CAMTA1: variants seen among roughly 807,000 people sequenced by gnomAD.
CAMTA1 encodes the protein calmodulin-binding transcription activator 1.
CAMTA1 carries 27 observed loss-of-function variants against 170.9 expected under a neutral mutation model. That is an observed-to-expected ratio of 0.16 (90% CI 0.12 to 0.22). The LOEUF is 0.22. CAMTA1 is among the 10% of genes least tolerant of loss of function. CAMTA1 has a pLI of 1.00. For synonymous variants in CAMTA1, 833 were observed against 891.5 expected (o/e 0.93, Z 1.17); for missense variants, 1,619 against 2,217.2 (o/e 0.73, Z 5.42).
intron 3 of CAMTA1, among the ~76,000 whole-genome samples, chr1:7,080,495 C>T (rs1328668392): frequency 6.6e-6 from 1 of 152,146 alleles, no homozygotes; most frequent in Non-Finnish European, 1.5e-5. Context: ...TAGGATTACA[C>T]ATCAGTGAGA....
At chr1:7,429,472 A>T (rs2092047717) in intron 5 of CAMTA1, among the ~76,000 whole-genome samples, 1 of 151,958 alleles carries the variant, frequency 6.6e-6, no homozygotes, top group South Asian at 2.1e-4. Flanking sequence ...GATGACAGTG[A>T]TAATACGGGT....
chr1:7,627,334 A>G (rs987166783), intron 6 of CAMTA1, among the ~76,000 whole-genome samples: 1 of 152,200 alleles, frequency 6.6e-6, no homozygotes, highest in Non-Finnish European at 1.5e-5. Flanking sequence ...CAAATAAGCA[A>G]TATCTGAATT....
intron 5 of CAMTA1, among the ~76,000 whole-genome samples, chr1:7,390,273 G>A (rs753078001): frequency 7.2e-5 from 11 of 152,158 alleles, no homozygotes; most frequent in South Asian, 6.2e-4. Context: ...GACACAACCC[G>A]CCCAGGGTGC....
At chr1:6,977,076 A>T (rs913708665) in intron 3 of CAMTA1, among the ~76,000 whole-genome samples, 2 of 152,158 alleles carry the variant, frequency 1.3e-5, no homozygotes. Flanking sequence ...TAAATTATCC[A>T]GTCTCGGGTC....
intron 3 of CAMTA1, among the ~76,000 whole-genome samples, chr1:7,032,509 T>C (rs1348602264): frequency 6.6e-6 from 1 of 152,194 alleles, no homozygotes; most frequent in Non-Finnish European, 1.5e-5. Flanking sequence ...TTTTAAATTC[T>C]TCTCATACCT....
At chr1:7,337,659 C>G (rs1348954339) in intron 5 of CAMTA1, among the ~76,000 whole-genome samples, 1 of 151,834 alleles carries the variant, frequency 6.6e-6, no homozygotes, top group Non-Finnish European at 1.5e-5. Context: ...GGGCGGTGGG[C>G]CTCATCCAAT....
intron 3 of CAMTA1, among the ~76,000 whole-genome samples, chr1:6,990,956 A>G (rs1358098533): frequency 6.6e-6 from 1 of 151,998 alleles, no homozygotes; most frequent in Non-Finnish European, 1.5e-5. Flanking sequence ...AGGAGTGTAT[A>G]TTGTACCTAA....
intron 11 of CAMTA1, among the ~76,000 whole-genome samples, chr1:7,690,737 G>A (rs545852600): frequency 9.2e-5 from 14 of 152,366 alleles, no homozygotes; most frequent in Non-Finnish European, 1.6e-4. Context: ...CCGGCAACCC[G>A]TGAGGCCCCT....
chr1:7,502,467 T>G (rs989295379), intron 6 of CAMTA1, among the ~76,000 whole-genome samples: 2 of 151,986 alleles, frequency 1.3e-5, no homozygotes, highest in African/African-American at 4.8e-5. Context: ...TTCCAAGTGT[T>G]TGTTTGGTCC....
rs575789105 is a variant in CAMTA1 at position 7,629,880 on chromosome 1, G to A, written c.511-10520G>A. Among the ~76,000 whole-genome samples the A allele has an allele frequency of 7.1e-4, 101 of 143,036 alleles. 1 individual carries two copies. Among genetic ancestry groups the A allele is most frequent in the African/African-American group, 2.5e-3 (101 of 40,846 alleles). The allele number at this position is 143,036 out of a possible 152,430, so 93.8% of individuals were successfully genotyped here. On this transcript the variant is annotated intron_variant, in intron 6 of 22. Coordinates refer to ENST00000303635, the MANE Select transcript of CAMTA1 (RefSeq NM_015215.4). ...GGGAGGTCCTCTCTCGGGGGGCCTG[G>A]CAGTGGCAGCTCGAGCTGCCAGCCT... is the stretch of plus-strand genomic sequence containing the variant.
chr1:6,789,909 A>G (rs1045427437), intron 1 of CAMTA1, among the ~76,000 whole-genome samples: 10 of 146,966 alleles, frequency 6.8e-5, no homozygotes, highest in African/African-American at 2.5e-4. Flanking sequence ...TTCCAGGTTC[A>G]AGCAATTCTC....
chr1:7,739,466 T>C (rs1390150932), intron 16 of CAMTA1, among the ~76,000 whole-genome samples: 1 of 152,190 alleles, frequency 6.6e-6, no homozygotes, highest in Non-Finnish European at 1.5e-5. Flanking sequence ...GGGGCACCAC[T>C]TCTGACCTAC....
chr1:7,201,603 T>C (rs546681446), intron 4 of CAMTA1, among the ~76,000 whole-genome samples: 104 of 152,332 alleles, frequency 6.8e-4, no homozygotes, highest in African/African-American at 2.5e-3. Flanking sequence ...CATCTCTTTA[T>C]GGTTTTGATG....
At chr1:6,958,142 C>G (rs1422461928) in intron 3 of CAMTA1, among the ~76,000 whole-genome samples, 2 of 152,196 alleles carry the variant, frequency 1.3e-5, no homozygotes, top group Non-Finnish European at 2.9e-5. Context: ...GGTAAGTGTG[C>G]ACCCTTTCCT....
intron 5 of CAMTA1, chr1:7,441,508 G>A (rs1286903113): frequency 6.6e-6 from 1 of 152,282 alleles, no homozygotes; most frequent in Non-Finnish European, 1.5e-5. Flanking sequence ...GCCGAGGCCA[G>A]GCCATCCCGC....
At chr1:6,931,052 C>T (rs898058405) in intron 3 of CAMTA1, among the ~76,000 whole-genome samples, 13 of 152,154 alleles carry the variant, frequency 8.5e-5, no homozygotes, top group South Asian at 2.1e-4. Flanking sequence ...ATAGATGCCT[C>T]GGTCTGGTTA....
rs1293149568 is a variant in CAMTA1 at position 7,160,519 on chromosome 1, T to C, written c.302+69148T>C. On this transcript the variant is annotated intron_variant, in intron 4 of 22. Transcript: ENST00000303635. The stretch of plus-strand genomic sequence containing the variant: ...CTTCCCTAGGCCCTCTGGAGTACCA[T>C]GCTTCCTGGCTTTCCTTCCAACTCC... 2.6e-5 allele frequency among the ~76,000 whole-genome samples: 4 copies of C among 152,170 alleles called. No homozygotes were observed. The East Asian group carries it at 7.7e-4, about 29-fold the overall frequency.
chr1:6,804,443 C>T (rs994216410), intron 1 of CAMTA1, among the ~76,000 whole-genome samples: 1 of 152,114 alleles, frequency 6.6e-6, no homozygotes, highest in African/African-American at 2.4e-5. Flanking sequence ...TCCCCACTCT[C>T]TAATTCCACA....
chr1:6,909,073 C>G, intron 3 of CAMTA1, among the ~76,000 whole-genome samples: 1 of 152,204 alleles, frequency 6.6e-6, no homozygotes, highest in East Asian at 1.9e-4. Flanking sequence ...CCAATGGTGA[C>G]AGGTAGGATT....
Sources: gnomAD v4.1 joint callset for allele counts (sites outside exome capture counted in the v4.1 genomes callset) on GRCh38, gnomAD v4.1.1 for gene constraint, MANE v1.5 for transcripts, NCBI Gene and HGNC (gene_info 2026-07-23, HGNC 2026-07-21) for gene names.